Variants in PDE7B observed in about 807,000 individuals in gnomAD.
PDE7B encodes phosphodiesterase 7B.
A neutral mutation model predicts 56.2 loss-of-function variants in PDE7B; 29 were observed. The ratio of observed to expected loss-of-function variants is 0.52; its 90% CI spans 0.38 to 0.70. PDE7B has a LOEUF of 0.70. Among genes scored for constraint, PDE7B ranks in the 30% least tolerant of loss-of-function variants. PDE7B has a pLI of 0.00. For missense variants in PDE7B, 490 were observed against 565.0 expected (o/e 0.87, Z 1.35); for synonymous variants, 197 against 196.9 (o/e 1.00, Z 0.00).
In PDE7B at chr6:135,851,736, C is replaced by T; in HGVS notation, c.-263C>T. The T allele has an allele frequency of 4.3e-6, 2 of 465,492 alleles. No homozygotes were observed. Among genetic ancestry groups the T allele is most frequent in the Non-Finnish European group, 7.7e-6 (2 of 261,332 alleles). The allele number at this position is 465,492 out of a possible 1,614,324, so 28.8% of individuals were successfully genotyped here. On this transcript the variant is annotated 5_prime_UTR_variant, in exon 1 of 13. Transcript: ENST00000308191. ...GGCACTGCAGCAGGCTCGGCTCTGT[C>T]CCAGCACTTGTCTGGGAGAAAAGTG... is the stretch of plus-strand genomic sequence containing the variant.
chr6:135,947,671 T>C (rs935146273), intron 2 of PDE7B, 147 bp downstream of exon 2: 2 of 639,882 alleles, frequency 3.1e-6, no homozygotes, highest in African/African-American at 3.6e-5. Context: ...AACACATTTA[T>C]ATGTGTAACA....
chr6:135,873,124 G>A (rs1775418590), intron 1 of PDE7B, among the ~76,000 whole-genome samples: 1 of 152,122 alleles, frequency 6.6e-6, no homozygotes, highest in Admixed American at 6.6e-5. Context: ...TTTGAAGCTG[G>A]GTGAGTGAGC....
At chr6:136,163,828 C>A in intron 8 of PDE7B, among the ~76,000 whole-genome samples, 1 of 152,208 alleles carries the variant, frequency 6.6e-6, no homozygotes, top group South Asian at 2.1e-4. Flanking sequence ...ACTTTTATTC[C>A]AGTTCCCAAC....
At chr6:135,978,366 T>A (rs553785613) in intron 2 of PDE7B, among the ~76,000 whole-genome samples, 2 of 139,230 alleles carry the variant, frequency 1.4e-5, no homozygotes, top group Non-Finnish European at 3.0e-5. Context: ...TTGCTGTGGA[T>A]GAGTGAGTGA....
intron 1 of PDE7B, among the ~76,000 whole-genome samples, chr6:135,897,072 G>A (rs1453921347): frequency 4.6e-5 from 7 of 152,104 alleles, no homozygotes; most frequent in African/African-American, 1.4e-4. Context: ...ACTTTCAGTA[G>A]TCCACTGCCA....
intron 1 of PDE7B, among the ~76,000 whole-genome samples, chr6:135,925,003 T>A (rs1306469708): frequency 1.3e-5 from 2 of 151,306 alleles, no homozygotes; most frequent in Admixed American, 1.3e-4. Context: ...GGTGTTTTTT[T>A]TTTTTTTTGT....
chr6:135,937,268 G>T (rs1774437064), intron 1 of PDE7B, among the ~76,000 whole-genome samples: 1 of 152,202 alleles, frequency 6.6e-6, no homozygotes, highest in African/African-American at 2.4e-5. Context: ...TGGCCTGTGA[G>T]CTGCGGGGCC....
At chr6:135,972,911 G>A (rs1193268869) in intron 2 of PDE7B, among the ~76,000 whole-genome samples, 1 of 152,008 alleles carries the variant, frequency 6.6e-6, no homozygotes, top group Non-Finnish European at 1.5e-5. Flanking sequence ...AATGTTTGGG[G>A]GCTTGTTTAT....
At chr6:135,859,503 A>G (rs1018977528) in intron 1 of PDE7B, among the ~76,000 whole-genome samples, 15 of 152,160 alleles carry the variant, frequency 9.9e-5, no homozygotes, top group African/African-American at 3.6e-4. Flanking sequence ...AATTTGTGTG[A>G]TAGCAGTTTG....
intron 3 of PDE7B, among the ~76,000 whole-genome samples, chr6:136,116,641 A>T (rs1218484588): frequency 6.6e-6 from 1 of 152,224 alleles, no homozygotes; most frequent in East Asian, 1.9e-4. Flanking sequence ...AGGATGAGTT[A>T]GGGGAAAGAT....
In PDE7B at chr6:135,928,471, A is replaced by ATATATATATTTATT. The variant is rs1562442857; in HGVS notation, c.22-18984_22-18983insTTATTTATATATAT. ...TATTTATTTATATATATATTTATTT[A>ATATATATATTTATT]TATATATATATTTATTTATATATAT... On this transcript the variant is annotated intron_variant, in intron 1 of 12. Coordinates refer to ENST00000308191, the MANE Select transcript of PDE7B (RefSeq NM_018945.4). 6.0e-4 allele frequency among the ~76,000 whole-genome samples: 41 copies of ATATATATATTTATT among 67,988 alleles called. 1 individual carries two copies. Among genetic ancestry groups the ATATATATATTTATT allele is most frequent in the Middle Eastern group, 7.5e-3 (1 of 134 alleles). 44.6% of individuals were successfully genotyped at this position (67,988 alleles called of 152,430 possible). A position where few individuals can be genotyped will look rare whatever the true frequency, so the allele number is the denominator to read the frequency against.
intron 2 of PDE7B, among the ~76,000 whole-genome samples, chr6:136,000,956 G>A (rs1356513375): frequency 6.6e-6 from 1 of 152,118 alleles, no homozygotes; most frequent in East Asian, 1.9e-4. Context: ...CCCCCAGTAG[G>A]GGCAGACTGA....
chr6:135,864,180 A>G (rs529847056), intron 1 of PDE7B, among the ~76,000 whole-genome samples: 1 of 152,240 alleles, frequency 6.6e-6, no homozygotes. Context: ...GCATATTAGT[A>G]CTTTTATTCC....
intron 2 of PDE7B, among the ~76,000 whole-genome samples, chr6:136,054,146 A>G (rs1232779045): frequency 7.9e-5 from 12 of 152,196 alleles, no homozygotes. Context: ...TATGTCCTGA[A>G]TGGTATTGCC....
chr6:135,884,273 T>A (rs886862522), intron 1 of PDE7B, among the ~76,000 whole-genome samples: 1 of 152,216 alleles, frequency 6.6e-6, no homozygotes, highest in East Asian at 1.9e-4. Flanking sequence ...AGTAACCACT[T>A]AGTGTGTATT....
At chr6:135,997,756 AAGG>A (rs1361190020) in intron 2 of PDE7B, among the ~76,000 whole-genome samples, 1 of 152,186 alleles carries the variant, frequency 6.6e-6, no homozygotes, top group Non-Finnish European at 1.5e-5. Context: ...TTAAATGGAG[AAGG>A]AGAACACAAG....
intron 6 of PDE7B, among the ~76,000 whole-genome samples, chr6:136,153,013 T>G (rs933623319): frequency 1.1e-4 from 17 of 152,342 alleles, no homozygotes; most frequent in Middle Eastern, 3.4e-3. Context: ...TTAAATATAA[T>G]TGTCAAATAT....
At chr6:136,048,709 T>C (rs1445412551) in intron 2 of PDE7B, among the ~76,000 whole-genome samples, 1 of 152,218 alleles carries the variant, frequency 6.6e-6, no homozygotes, top group Non-Finnish European at 1.5e-5. Context: ...AAGATCATTC[T>C]AGCAACAGTG....
chr6:135,948,731 A>C (rs1774633694), intron 2 of PDE7B, among the ~76,000 whole-genome samples: 2 of 152,070 alleles, frequency 1.3e-5, no homozygotes, highest in Middle Eastern at 3.4e-3. Flanking sequence ...TACTAGAAGC[A>C]CATGAACGAA....
Sources: gnomAD v4.1 joint callset for allele counts (sites outside exome capture counted in the v4.1 genomes callset) on GRCh38, gnomAD v4.1.1 for gene constraint, MANE v1.5 for transcripts, NCBI Gene and HGNC (gene_info 2026-07-23, HGNC 2026-07-21) for gene names.